Variants in GTF2F2 observed in about 807,000 individuals in gnomAD.
The protein encoded by GTF2F2 is ATP-dependent helicase GTF2F2.
A neutral mutation model predicts 42.2 loss-of-function variants in GTF2F2; 23 were observed. The ratio of observed to expected loss-of-function variants is 0.55; its 90% CI spans 0.39 to 0.77. The LOEUF is 0.77. Among genes scored for constraint, GTF2F2 ranks in the 30% least tolerant of loss-of-function variants. The pLI, the probability that GTF2F2 is intolerant of heterozygous loss-of-function variation, is 0.00. For missense variants in GTF2F2, 261 were observed against 287.2 expected (o/e 0.91, Z 0.66); for synonymous variants, 105 against 100.8 (o/e 1.04, Z -0.25).
At chr13:45,146,010 G>A (rs1318953178) in intron 2 of GTF2F2, among the ~76,000 whole-genome samples, 2 of 152,070 alleles carry the variant, frequency 1.3e-5, no homozygotes, top group African/African-American at 2.4e-5. Context: ...CTCCTTTATA[G>A]CGATGCCCTC....
intron 5 of GTF2F2, among the ~76,000 whole-genome samples, chr13:45,227,925 G>A (rs1362438556): frequency 1.3e-5 from 2 of 152,170 alleles, no homozygotes; most frequent in South Asian, 4.1e-4. Context: ...ATACAAAGAA[G>A]GGGGACTGAA....
chr13:45,175,515 G>A (rs530830717), intron 4 of GTF2F2, among the ~76,000 whole-genome samples: 1 of 152,166 alleles, frequency 6.6e-6, no homozygotes, highest in East Asian at 1.9e-4. Context: ...TTTTATATAT[G>A]TTTTATGTCC....
chr13:45,173,131 AGT>A (rs1871678109), intron 4 of GTF2F2, among the ~76,000 whole-genome samples: 1 of 152,186 alleles, frequency 6.6e-6, no homozygotes, highest in Non-Finnish European at 1.5e-5. Flanking sequence ...TATAGAAAAA[AGT>A]GTACAGAGAG....
At chr13:45,255,469 A>G (rs1876066345) in intron 6 of GTF2F2, among the ~76,000 whole-genome samples, 1 of 152,234 alleles carries the variant, frequency 6.6e-6, no homozygotes. Flanking sequence ...CATTCAGCCA[A>G]GCTTTCATTT....
intron 5 of GTF2F2, among the ~76,000 whole-genome samples, chr13:45,245,680 TA>T (rs1875556003): frequency 8.0e-6 from 1 of 124,978 alleles, no homozygotes; most frequent in Admixed American, 8.1e-5. Flanking sequence ...TATATATATA[TA>T]TATATATATA....
chr13:45,256,052 AGT>A (rs1260135160), intron 6 of GTF2F2, among the ~76,000 whole-genome samples: 1 of 152,208 alleles, frequency 6.6e-6, no homozygotes, highest in Non-Finnish European at 1.5e-5. Flanking sequence ...ATTGGAAACA[AGT>A]GTCCCAAATT....
At chr13:45,240,280 C>G (rs1013438914) in intron 5 of GTF2F2, among the ~76,000 whole-genome samples, 2 of 151,756 alleles carry the variant, frequency 1.3e-5, no homozygotes, top group African/African-American at 4.8e-5. Context: ...GTCTTGATGC[C>G]AGTGGTTATT....
rs1873106582 is a variant in GTF2F2 at position 45,200,191 on chromosome 13, T to C, written c.305-7233T>C. Among the ~76,000 whole-genome samples the C allele has an allele frequency of 2.6e-5, 4 of 152,118 alleles. No individual in the cohort carries two copies. The South Asian group carries it at 8.3e-4, about 32-fold the overall frequency. On this transcript the variant is annotated intron_variant, in intron 4 of 7. Transcript: ENST00000340473. ...AGCTCTGTGAGCTATTCCCTCCGTA[T>C]CACAAGAAAGTAAAATTAACAGACA...
chr13:45,120,699 A>G lies in GTF2F2; in HGVS notation c.44A>G (p.Asn15Ser), dbSNP rs915894190. The change falls in exon 1 of 8, where the codon AAC becomes AGC. Residue 15 changes from asparagine to serine, a missense_variant. Transcript: ENST00000340473. ...CTCGACTTGACCGGCGCCAAACAGA[A>G]CACAGGAGTGTGGCTAGTCAAGGTA... ...GELDLTGAKQ[N>S]TGVWLVKVPK... is the part of the protein sequence containing the mutation. The G allele has an allele frequency of 1.4e-5, 22 of 1,561,232 alleles. 1 individual carries two copies. The South Asian group carries it at 2.6e-4, about 18-fold the overall frequency.
At chr13:45,151,610 G>T in intron 3 of GTF2F2, 77 bp from the exon 4 acceptor site, 1 of 893,562 alleles carries the variant, frequency 1.1e-6, no homozygotes, top group South Asian at 1.8e-5. Flanking sequence ...AAAACAATTT[G>T]ATTTATAACA....
chr13:45,168,312 G>C lies in GTF2F2; in HGVS notation c.304+16481G>C, dbSNP rs574703961. Reference sequence around the variant, plus strand: ...CTTTTACATCTCGGCACCTTTGTCTGCCTGAGAGCTTCTCTTGCTGCCAAC... The same window carrying C: ...CTTTTACATCTCGGCACCTTTGTCTCCCTGAGAGCTTCTCTTGCTGCCAAC... On this transcript the variant is annotated intron_variant, in intron 4 of 7. Coordinates refer to ENST00000340473, the MANE Select transcript of GTF2F2 (RefSeq NM_004128.3). Among the ~76,000 whole-genome samples the C allele has an allele frequency of 2.0e-5, 3 of 152,336 alleles. No individual in the cohort carries two copies. In the South Asian group the frequency reaches 6.2e-4, roughly 32 times the overall value.
intron 5 of GTF2F2, among the ~76,000 whole-genome samples, chr13:45,238,893 G>A (rs1310370977): frequency 2.0e-5 from 3 of 146,526 alleles, no homozygotes; most frequent in Admixed American, 6.8e-5. Context: ...GCGGTGAGCC[G>A]AGATGGCGCC....
chr13:45,173,612 A>AT (rs56033747), intron 4 of GTF2F2, among the ~76,000 whole-genome samples: 3,348 of 93,644 alleles, frequency 0.036, 152 homozygotes, highest in Non-Finnish European at 0.051. Flanking sequence ...TAACTTTGTC[A>AT]TTTTTTTTTT....
chr13:45,176,730 G>A (rs1188762058), intron 4 of GTF2F2, among the ~76,000 whole-genome samples: 1 of 151,660 alleles, frequency 6.6e-6, no homozygotes, highest in African/African-American at 2.4e-5. Context: ...AAGCTTTTTT[G>A]TATTGTCTTT....
At chr13:45,218,262 C>G (rs375158752) in intron 5 of GTF2F2, among the ~76,000 whole-genome samples, 7 of 152,226 alleles carry the variant, frequency 4.6e-5, no homozygotes, top group Non-Finnish European at 1.0e-4. Context: ...AGGTGACCCA[C>G]AGAAGTGACC....
chr13:45,244,064 G>A (rs566659560), intron 5 of GTF2F2, among the ~76,000 whole-genome samples: 9 of 152,190 alleles, frequency 5.9e-5, no homozygotes, highest in Non-Finnish European at 1.3e-4. Flanking sequence ...TGACAAGGGT[G>A]ATTATGAACC....
At chr13:45,147,035 A>T (rs542192961) in intron 2 of GTF2F2, among the ~76,000 whole-genome samples, 38 of 152,372 alleles carry the variant, frequency 2.5e-4, no homozygotes, top group Admixed American at 5.9e-4. Flanking sequence ...ACTCATCTAG[A>T]GCTCATCAAT....
chr13:45,151,008 T>C lies in GTF2F2; in HGVS notation c.160-679T>C, dbSNP rs188012772. Among the ~76,000 whole-genome samples the C allele has an allele frequency of 4.6e-3, 707 of 152,298 alleles. 2 individuals carry two copies. Among genetic ancestry groups the C allele is most frequent in the Non-Finnish European group, 7.0e-3 (477 of 68,020 alleles). On this transcript the variant is annotated intron_variant, in intron 3 of 7. Transcript: ENST00000340473. ...ATTTTTATTTTATTTCAGGGGTACA[T>C]GTGTAGGTTTGTTACATAGGTATAT...
intron 5 of GTF2F2, among the ~76,000 whole-genome samples, chr13:45,247,566 G>T (rs541566614): frequency 6.6e-6 from 1 of 151,440 alleles, no homozygotes; most frequent in Non-Finnish European, 1.5e-5. Context: ...CTAATTTTTT[G>T]TATTTTCAAT....
Sources: allele counts gnomAD v4.1 joint callset (sites outside exome capture counted in the v4.1 genomes callset), GRCh38; gene constraint gnomAD v4.1.1; transcripts MANE v1.5; gene names NCBI Gene and HGNC (gene_info 2026-07-23, HGNC 2026-07-21).